GAL3ST1: variants seen among roughly 807,000 people sequenced by gnomAD.
The protein encoded by GAL3ST1 is galactosylceramide sulfotransferase.
A neutral mutation model predicts 25.0 loss-of-function variants in GAL3ST1; 13 were observed. That is an observed-to-expected ratio of 0.52 (90% confidence interval 0.34 to 0.83). The LOEUF is 0.83. GAL3ST1 is among the 40% of genes least tolerant of loss of function. The pLI is 0.02. For missense variants in GAL3ST1, 474 were observed against 613.6 expected, an observed-to-expected ratio of 0.77 and a Z score of 2.40; for synonymous variants, 274 against 277.8, an observed-to-expected ratio of 0.99 and a Z score of 0.14.
At chr22:30,563,738 C>G (rs1436932603) in intron 1 of GAL3ST1, among the ~76,000 whole-genome samples, 1 of 148,132 alleles carries the variant, frequency 6.8e-6, no homozygotes, top group Non-Finnish European at 1.5e-5. Flanking sequence ...ACAGTGAAAC[C>G]CCATCTCTAC....
rs2086119171 is a variant in GAL3ST1 at position 30,557,568 on chromosome 22, T to C, written c.-9-167A>G. 2.3e-5 allele frequency: 15 copies of C among 653,960 alleles called. No homozygotes were observed. In the South Asian group the frequency reaches 3.0e-4, roughly 13 times the overall value. 40.5% of individuals were successfully genotyped at this position (653,960 alleles called of 1,614,324 possible). On this transcript the variant is annotated intron_variant, in intron 2 of 3. Transcript: ENST00000406361. ...CTGGAGAGATAGACTGACAACCACCTGGAAAGAGACAGCCCCAGGGTTGCA... is the reference window on the plus strand; with the variant it reads ...CTGGAGAGATAGACTGACAACCACCCGGAAAGAGACAGCCCCAGGGTTGCA...
rs2086857255 is a variant in GAL3ST1, at chr22:30,574,639, C to CCA, written c.-294_-293insTG. The CCA allele has an allele frequency of 6.8e-6, 1 of 146,868 alleles. No individual in the cohort carries two copies. Among genetic ancestry groups the CCA allele is most frequent in the Non-Finnish European group, 1.5e-5 (1 of 65,702 alleles). 9.1% of individuals were successfully genotyped at this position (146,868 alleles called of 1,614,324 possible). A position where few individuals can be genotyped will look rare whatever the true frequency, so the allele number is the denominator to read the frequency against. ...CGCGCCCGCTCCCGCGCCGCGCCCG[C>CCA]TCCCGGCCAGGTGCCGCCGCCAGCC... On this transcript the variant is annotated 5_prime_UTR_variant, in exon 1 of 4. In the 5' UTR this introduces an upstream ATG that the reference lacks. Coordinates refer to ENST00000406361, the MANE Select transcript of GAL3ST1 (RefSeq NM_001318104.2).
chr22:30,561,237 C>T (rs2086394031), intron 1 of GAL3ST1, among the ~76,000 whole-genome samples: 2 of 152,246 alleles, frequency 1.3e-5, no homozygotes, highest in Admixed American at 6.5e-5. Flanking sequence ...AGCCACTGAG[C>T]CTGGCCCCCA....
At chr22:30,559,371 G>T (rs1451439920) in intron 1 of GAL3ST1, among the ~76,000 whole-genome samples, 1 of 151,956 alleles carries the variant, frequency 6.6e-6, no homozygotes, top group African/African-American at 2.4e-5. Context: ...CTCCCAAGTA[G>T]CTGGGATTAC....
intron 1 of GAL3ST1, chr22:30,560,772 A>G (rs545404303): frequency 2.1e-4 from 32 of 152,316 alleles, no homozygotes; most frequent in African/African-American, 7.0e-4. Flanking sequence ...GGAGGCTGCA[A>G]TAGTGGAGGC....
At chr22:30,565,340 C>T (rs1365787753) in intron 1 of GAL3ST1, 1 of 152,246 alleles carries the variant, frequency 6.6e-6, no homozygotes, top group African/African-American at 2.4e-5. Flanking sequence ...GAAACCAAAG[C>T]TCAGAGAGGT....
At chr22:30,567,128 T>G (rs1474281888) in intron 1 of GAL3ST1, among the ~76,000 whole-genome samples, 1 of 151,452 alleles carries the variant, frequency 6.6e-6, no homozygotes, top group Non-Finnish European at 1.5e-5. Context: ...AGCAAAAACT[T>G]TTTCAATGAT....
chr22:30,567,829 A>C (rs983220868), intron 1 of GAL3ST1, among the ~76,000 whole-genome samples: 1 of 151,788 alleles, frequency 6.6e-6, no homozygotes, highest in African/African-American at 2.4e-5. Context: ...GATTACGGGC[A>C]CCCGCCACCA....
In GAL3ST1 at chr22:30,555,894, C is replaced by T; in HGVS notation, c.331G>A (p.Gly111Ser). 6.2e-7 allele frequency: 1 copy of T among 1,614,172 alleles called. No homozygotes were observed. The highest frequency in any genetic ancestry group is 8.5e-7 in the Non-Finnish European group (1 of 1,180,020). ...KHRLKFAFPN[G>S]RNDFDYPTFF... The stretch of plus-strand genomic sequence containing the variant: ...GTCGGGTAGTCGAAGTCATTGCGGC[C>T]GTTAGGGAAGGCGAACTTGAGCCGG... Residue 111 changes from glycine to serine, a missense_variant, in exon 4 of 4, where the codon GGC becomes AGC. Transcript: ENST00000406361. This position sits in a 1 kb window ranked among gnomAD's most constrained non-coding sequence, Gnocchi z 8.6.
intron 1 of GAL3ST1, chr22:30,560,788 G>T (rs1001712575): frequency 6.6e-6 from 1 of 152,128 alleles, no homozygotes; most frequent in Non-Finnish European, 1.5e-5. Context: ...GAGGCGCTGA[G>T]GTTCAGGCCC....
At chr22:30,562,163 G>A (rs533893641) in intron 1 of GAL3ST1, among the ~76,000 whole-genome samples, 2 of 152,244 alleles carry the variant, frequency 1.3e-5, no homozygotes, top group South Asian at 4.2e-4. Flanking sequence ...GGATCTTCTT[G>A]CCTCGGCCTC....
intron 1 of GAL3ST1, among the ~76,000 whole-genome samples, chr22:30,559,784 T>C (rs1321242429): frequency 6.6e-6 from 1 of 151,910 alleles, no homozygotes; most frequent in East Asian, 1.9e-4. Context: ...GGAACTGGAG[T>C]CCAGGAGAGA....
At chr22:30,564,252 G>A (rs529939884) in intron 1 of GAL3ST1, among the ~76,000 whole-genome samples, 12 of 152,268 alleles carry the variant, frequency 7.9e-5, no homozygotes, top group African/African-American at 2.6e-4. Flanking sequence ...TCATCATTAC[G>A]TTCCCAGGGT....
intron 1 of GAL3ST1, among the ~76,000 whole-genome samples, chr22:30,563,785 A>G (rs2086526604): frequency 6.6e-6 from 1 of 151,208 alleles, no homozygotes; most frequent in South Asian, 2.1e-4. Context: ...GCTTGGTGGC[A>G]GGCACCTGTA....
intron 2 of GAL3ST1, among the ~76,000 whole-genome samples, chr22:30,558,008 G>C (rs755351251): frequency 6.6e-6 from 1 of 151,502 alleles, no homozygotes; most frequent in Non-Finnish European, 1.5e-5. Context: ...GGCTGGTCTC[G>C]AACTCCTGGG....
rs1231988933 is a variant in GAL3ST1, at chr22:30,557,287, G to A, written c.106C>T (p.Pro36Ser). The A allele has an allele frequency of 7.4e-6, 12 of 1,614,180 alleles. No homozygotes were observed. Among genetic ancestry groups the A allele is most frequent in the Non-Finnish European group, 1.0e-5 (12 of 1,179,992 alleles). ...GTGGAGGCCAGGCCGGCATGCAGCG[G>A]GGGCACGGCATAGGAGTACACCAGC... ...LLLVYSYAVPPLHAGLASTTP... is the reference protein window; with the variant it reads ...LLLVYSYAVPSLHAGLASTTP... The change falls in exon 3 of 4, where the codon CCG becomes TCG. Residue 36 changes from proline (P) to serine (S), a missense_variant. Around this residue, in one of 2 missense-constraint regions of GAL3ST1, gnomAD observed 115 missense variants for 109.2 expected, o/e 1.05. Coordinates refer to ENST00000406361, the MANE Select transcript of GAL3ST1 (RefSeq NM_001318104.2).
chr22:30,566,826 G>A lies in GAL3ST1; in HGVS notation c.-120+7640C>T, dbSNP rs544262619. Among the ~76,000 whole-genome samples the A allele has an allele frequency of 3.9e-5, 6 of 152,192 alleles. No homozygotes were observed. The East Asian group carries it at 9.7e-4, about 25-fold the overall frequency. The stretch of plus-strand genomic sequence containing the variant: ...GGGTTTCACCGTGTTAGCCAGGATG[G>A]TCTCGATCTCCTGACCTCATGATCT... On this transcript the variant is annotated intron_variant, in intron 1 of 3. Coordinates refer to ENST00000406361, the MANE Select transcript of GAL3ST1 (RefSeq NM_001318104.2).
In GAL3ST1 at chr22:30,554,920, G is replaced by A. The variant is rs776544661; in HGVS notation, c.*33C>T. 1.3e-6 allele frequency: 2 copies of A among 1,502,266 alleles called. No homozygotes were observed. The highest frequency in any genetic ancestry group is 1.3e-5 in the South Asian group (1 of 78,636). 93.1% of individuals were successfully genotyped at this position (1,502,266 alleles called of 1,614,324 possible). On this transcript the variant is annotated 3_prime_UTR_variant, in exon 4 of 4. Transcript: ENST00000406361. ...CCTGCTCAGCCCCTCTGCAGGGAGC[G>A]AGCAGGCAGGCAAGCCGCTGGGCGG...
rs74418371 is a variant in GAL3ST1 at position 30,557,216 on chromosome 22, T to C, written c.131+46A>G. ...ACAGGGCCCCATGGGTGGGGTGCCA[T>C]CCCTCCCCCACCTACACCCATCATC... On this transcript the variant is annotated intron_variant, in intron 3 of 3. Transcript: ENST00000406361. 147 of 1,599,274 alleles carry C rather than the reference T, an allele frequency of 9.2e-5. No individual in the cohort carries two copies. The East Asian group carries it at 2.5e-3, about 27-fold the overall frequency.
Sources: allele counts gnomAD v4.1 joint callset (sites outside exome capture counted in the v4.1 genomes callset), GRCh38; gene constraint gnomAD v4.1.1; regional missense constraint gnomAD v4.1.1; non-coding constraint Gnocchi (gnomAD v3.1); transcripts MANE v1.5; gene names NCBI Gene and HGNC (gene_info 2026-07-23, HGNC 2026-07-21).